Variants in HGS observed in about 807,000 individuals in gnomAD.
The protein encoded by HGS is hepatocyte growth factor-regulated tyrosine kinase substrate.
HGS carries 63 observed loss-of-function variants against 109.7 expected under a neutral mutation model. That is an observed-to-expected ratio of 0.57 (90% confidence interval 0.47 to 0.71). HGS has a LOEUF of 0.71. Ranked by LOEUF, HGS falls within the 30% of genes least tolerant of loss-of-function variation. HGS has a pLI of 0.00. For synonymous variants in HGS, 546 were observed against 437.3 expected (o/e 1.25, Z -3.10); for missense variants, 995 against 1,068.3 (o/e 0.93, Z 0.96).
At position 81,690,228 on chromosome 17, in the gene HGS, C is replaced by T. The variant is rs773071692; in HGVS notation, c.462C>T (p.Ala154=). 2.2e-5 allele frequency: 36 copies of T among 1,613,798 alleles called. No individual in the cohort carries two copies. The highest frequency in any genetic ancestry group is 9.3e-5 in the African/African-American group (7 of 75,020). ...EFKESDAMFA[A]ERAPDWVDAE... ...AAGAGAGCGATGCCATGTTTGCTGC[C>T]GAGAGAGTGAGTGTGGGCGGCCGCC... The change falls in exon 6 of 22, where the codon GCC becomes GCT. Residue 154 remains alanine, a synonymous_variant. Coordinates refer to ENST00000329138, the MANE Select transcript of HGS (RefSeq NM_004712.5).
intron 15 of HGS, 170 bp from the exon 16 acceptor site, chr17:81,696,187 C>A: frequency 1.0e-6 from 1 of 984,080 alleles, no homozygotes; most frequent in South Asian, 1.7e-5. Flanking sequence ...CCTGCCCTGC[C>A]CTGCCCTGCC....
In HGS at chr17:81,696,736, C is replaced by A. The variant is rs758231833; in HGVS notation, c.1696C>A (p.Pro566Thr). Residue 566 changes from proline to threonine, a missense_variant, in exon 17 of 22, where the codon CCC becomes ACC. This residue lies in a region of HGS where 326 missense variants were observed against 309.7 expected (regional missense o/e 1.05). Coordinates refer to ENST00000329138, the MANE Select transcript of HGS (RefSeq NM_004712.5). Reference sequence around the variant, plus strand: ...CGCGCAGATGCCCGCCTTCCCCCTGCCCTACGCCCAGGCATGTGCCATCCT... The same window carrying A: ...CGCGCAGATGCCCGCCTTCCCCCTGACCTACGCCCAGGCATGTGCCATCCT... ...MRAQMPAFPL[P>T]YAQLQAMPAA... 3.7e-6 allele frequency: 6 copies of A among 1,606,758 alleles called. No homozygotes were observed. Among genetic ancestry groups the A allele is most frequent in the South Asian group, 1.1e-5 (1 of 90,688 alleles).
At position 81,696,764 on chromosome 17, in the gene HGS, C is replaced by T. The variant is rs770116068; in HGVS notation, c.1707+17C>T. On this transcript the variant is annotated intron_variant, in intron 17 of 21. Coordinates refer to ENST00000329138, the MANE Select transcript of HGS (RefSeq NM_004712.5). ...TACGCCCAGGCATGTGCCATCCTCCCGCCACCCAGAGGCTTGTGGGCTGAG... is the reference window on the plus strand; with the variant it reads ...TACGCCCAGGCATGTGCCATCCTCCTGCCACCCAGAGGCTTGTGGGCTGAG... The T allele has an allele frequency of 9.4e-6, 15 of 1,602,976 alleles. No individual in the cohort carries two copies. Among genetic ancestry groups the T allele is most frequent in the African/African-American group, 2.7e-5 (2 of 74,754 alleles).
At chr17:81,700,138 G>A (rs1349736093) in intron 18 of HGS, among the ~76,000 whole-genome samples, 3 of 151,798 alleles carry the variant, frequency 2.0e-5, no homozygotes, top group African/African-American at 2.4e-5. Flanking sequence ...AGGCCGAGGC[G>A]GGCGGATCAC....
chr17:81,697,109 T>G, intron 18 of HGS, 111 bp downstream of exon 18: 6 of 1,144,798 alleles, frequency 5.2e-6, no homozygotes, highest in Non-Finnish European at 7.2e-6. Context: ...GTTGCCCCGA[T>G]GTGAATGTTG....
intron 6 of HGS, 73 bp downstream of exon 6, chr17:81,690,307 C>G: frequency 6.7e-7 from 1 of 1,501,962 alleles, no homozygotes; most frequent in Non-Finnish European, 9.2e-7. Context: ...GCTGGGAGCC[C>G]GGCTTGTTTG....
At chr17:81,689,894 G>T (rs1171059986) in intron 5 of HGS, among the ~76,000 whole-genome samples, 1 of 151,884 alleles carries the variant, frequency 6.6e-6, no homozygotes, top group African/African-American at 2.4e-5. Flanking sequence ...GGGTGAGGGA[G>T]CCACTCAGCA....
At chr17:81,686,489 G>T in intron 3 of HGS, 102 bp downstream of exon 3, 1 of 794,834 alleles carries the variant, frequency 1.3e-6, no homozygotes, top group South Asian at 1.5e-5. Flanking sequence ...CACCTCCCTG[G>T]GCATACATCA....
intron 20 of HGS, 67 bp downstream of exon 20, chr17:81,700,881 T>G (rs904256288): frequency 6.3e-7 from 1 of 1,580,072 alleles, no homozygotes; most frequent in African/African-American, 1.3e-5. Flanking sequence ...TGAGGGTCCT[T>G]TGGTGAGGCT....
chr17:81,685,247 T>C lies in HGS; in HGVS notation c.38-358T>C, dbSNP rs139347746. Reference sequence around the variant, plus strand: ...GACTCCAAGGGACGGGTGATAGGGTTCTTTGTTGAGAAGCAGCCGAGCCTG... The same window carrying C: ...GACTCCAAGGGACGGGTGATAGGGTCCTTTGTTGAGAAGCAGCCGAGCCTG... On this transcript the variant is annotated intron_variant, in intron 1 of 21. Coordinates refer to ENST00000329138, the MANE Select transcript of HGS (RefSeq NM_004712.5). 6.7e-3 allele frequency among the ~76,000 whole-genome samples: 1,025 copies of C among 152,212 alleles called. 6 individuals carry two copies. The highest frequency in any genetic ancestry group is 0.02 in the Middle Eastern group (6 of 294).
At chr17:81,687,608 G>A (rs1052329298) in intron 4 of HGS, among the ~76,000 whole-genome samples, 1 of 152,202 alleles carries the variant, frequency 6.6e-6, no homozygotes, top group African/African-American at 2.4e-5. Flanking sequence ...CCTGGGCAGA[G>A]GAGGAAAAGC....
In HGS at chr17:81,696,819, C is replaced by T; in HGVS notation, c.1708-5C>T. The T allele has an allele frequency of 6.2e-7, 1 of 1,606,604 alleles. No homozygotes were observed. Among genetic ancestry groups the T allele is most frequent in the Non-Finnish European group, 8.5e-7 (1 of 1,175,796 alleles). Reference sequence around the variant, plus strand: ...AACTCTCACCGCTGTCTCTTTTGTCCCCAGCTCCAGGCCATGCCCGCAGCC... The same window carrying T: ...AACTCTCACCGCTGTCTCTTTTGTCTCCAGCTCCAGGCCATGCCCGCAGCC... On this transcript the variant is annotated splice_region_variant and splice_polypyrimidine_tract_variant and intron_variant, in intron 17 of 21. Coordinates refer to ENST00000329138, the MANE Select transcript of HGS (RefSeq NM_004712.5).
intron 7 of HGS, 147 bp downstream of exon 7, chr17:81,690,889 C>T: frequency 1.6e-6 from 1 of 638,050 alleles, no homozygotes; most frequent in Non-Finnish European, 2.6e-6. Context: ...AGTGTGGCGT[C>T]AGGAGGGGGA....
rs58168109 is a variant in HGS at position 81,701,140 on chromosome 17, T to G, written c.2223+9T>G. 6.6e-3 allele frequency: 10,625 copies of G among 1,612,006 alleles called. 627 individuals are homozygous for G. In the African/African-American group the frequency reaches 0.12, roughly 18 times the overall value. On this transcript the variant is annotated intron_variant, in intron 21 of 21. Transcript: ENST00000329138. ...AGCCCATGTACCAGCAGGTGAGCCA[T>G]TCCCGGGGCCTCACAGCGGCACCCG...
At chr17:81,685,746 C>A in intron 2 of HGS, 57 bp downstream of exon 2, 1 of 1,414,218 alleles carries the variant, frequency 7.1e-7, no homozygotes, top group Non-Finnish European at 9.9e-7. Flanking sequence ...CTAAGCTGGG[C>A]TCGCTTGGTG....
chr17:81,694,930 C>A lies in HGS; in HGVS notation c.982C>A (p.Arg328=), dbSNP rs775456886. The A allele has an allele frequency of 4.3e-6, 7 of 1,614,214 alleles. No individual in the cohort carries two copies. The highest frequency in any genetic ancestry group is 5.9e-6 in the Non-Finnish European group (7 of 1,180,042). Reference sequence around the variant, plus strand: ...ACCCCCTCATTGCCTGCAGCTCGCACGGTATCTCAACCGGAACTACTGGGA... The same window carrying A: ...ACCCCCTCATTGCCTGCAGCTCGCAAGGTATCTCAACCGGAACTACTGGGA... ...LAEDIDPELA[R]YLNRNYWEKK... is the part of the protein sequence containing the mutation. Residue 328 remains arginine, a synonymous_variant, in exon 13 of 22, where the codon CGG becomes AGG. Coordinates refer to ENST00000329138, the MANE Select transcript of HGS (RefSeq NM_004712.5).
rs1476742310 is a variant in HGS at position 81,701,233 on chromosome 17, T to C, written c.2223+102T>C. 5 of 1,092,630 alleles carry C rather than the reference T, an allele frequency of 4.6e-6. No individual in the cohort carries two copies. The Admixed American group carries it at 9.7e-5, about 21-fold the overall frequency. The allele number at this position is 1,092,630 out of a possible 1,614,324, so 67.7% of individuals were successfully genotyped here. On this transcript the variant is annotated intron_variant, in intron 21 of 21. Coordinates refer to ENST00000329138, the MANE Select transcript of HGS (RefSeq NM_004712.5). ...GCCCCAGTGGGGATTGTCCCGTACG[T>C]CTGCTCACAGGGGGAGACGCATACC...
At chr17:81,690,652 C>T in intron 6 of HGS, 22 bp from the exon 7 acceptor site, 2 of 1,607,508 alleles carry the variant, frequency 1.2e-6, no homozygotes, top group Non-Finnish European at 1.7e-6. Context: ...AGCGTGTGGT[C>T]CTGACTGCTG....
At position 81,700,472 on chromosome 17, in the gene HGS, A is replaced by G. The variant is rs968919551; in HGVS notation, c.1888A>G (p.Ser630Gly). The G allele has an allele frequency of 1.3e-6, 2 of 1,567,474 alleles. No individual in the cohort carries two copies. The highest frequency in any genetic ancestry group is 4.5e-5 in the East Asian group (2 of 44,246). Residue 630 changes from serine (S) to glycine (G), a missense_variant, in exon 19 of 22, where the codon AGC becomes GGC. Transcript: ENST00000329138. ...PSMPSTAADP[S>G]MVSAYMYPAG... ...CCCTGTCTTGTTTGTCACAGATCCC[A>G]GCATGGTGAGTGCCTACATGTACCC...
Sources: allele counts gnomAD v4.1 joint callset (sites outside exome capture counted in the v4.1 genomes callset), GRCh38; gene constraint gnomAD v4.1.1; regional missense constraint gnomAD v4.1.1; transcripts MANE v1.5; gene names NCBI Gene and HGNC (gene_info 2026-07-23, HGNC 2026-07-21).